The following KANSL1 variants were observed in gnomAD, a reference collection of about 807,000 sequenced individuals.
The protein encoded by KANSL1 is MLL1/MLL complex subunit KANSL1.
In KANSL1, 22 loss-of-function variants were observed where a neutral mutation model predicts 103.6. The ratio of observed to expected loss-of-function variants is 0.21; its 90% CI spans 0.15 to 0.30. The LOEUF (loss-of-function observed/expected upper bound fraction) is 0.30, where lower values mean the gene tolerates loss of function less well. KANSL1 is among the 10% of genes least tolerant of loss of function. KANSL1 has a pLI of 1.00. For synonymous variants in KANSL1, 600 were observed against 527.6 expected (o/e 1.14, Z -1.88); for missense variants, 1,337 against 1,399.8 (o/e 0.96, Z 0.72).
intron 2 of KANSL1, among the ~76,000 whole-genome samples, chr17:46,096,461 C>T (rs1184122297): frequency 1.3e-5 from 2 of 151,820 alleles, no homozygotes; most frequent in Non-Finnish European, 2.9e-5. Context: ...GCTGGGATTA[C>T]AGGCATGCGC....
intron 4 of KANSL1, among the ~76,000 whole-genome samples, chr17:46,081,595 GCCTCA>G (rs1436241954): frequency 6.6e-6 from 1 of 152,146 alleles, no homozygotes; most frequent in African/African-American, 2.4e-5. Flanking sequence ...TCCAATATCT[GCCTCA>G]GAGAAAATTT....
At chr17:46,177,399 G>A (rs1448703293) in intron 1 of KANSL1, among the ~76,000 whole-genome samples, 3 of 152,162 alleles carry the variant, frequency 2.0e-5, no homozygotes, top group African/African-American at 7.2e-5. Flanking sequence ...TCCCTGTTAT[G>A]TCTAGACTTA....
intron 2 of KANSL1, among the ~76,000 whole-genome samples, chr17:46,135,678 T>A (rs1194332588): frequency 6.8e-6 from 1 of 147,224 alleles, no homozygotes; most frequent in East Asian, 2.0e-4. Flanking sequence ...ACTACAGGCA[T>A]GCCCCACCAT....
intron 2 of KANSL1, among the ~76,000 whole-genome samples, chr17:46,131,402 T>C (rs780392208): frequency 2.0e-5 from 3 of 152,216 alleles, no homozygotes; most frequent in Non-Finnish European, 4.4e-5. Context: ...TGATTAAGCA[T>C]TTCCCTCAAT....
At chr17:46,093,797 A>C (rs1319604321) in intron 3 of KANSL1, 1 of 152,218 alleles carries the variant, frequency 6.6e-6, no homozygotes, top group Non-Finnish European at 1.5e-5. Context: ...CAGCCACACC[A>C]AGCTAATATA....
intron 6 of KANSL1, among the ~76,000 whole-genome samples, chr17:46,059,684 A>G (rs1392330164): frequency 6.7e-6 from 1 of 150,182 alleles, no homozygotes; most frequent in Non-Finnish European, 1.5e-5. Flanking sequence ...ACTGATCAAC[A>G]CATGTTCTCA....
rs562417520 is a variant in KANSL1 at position 46,062,717 on chromosome 17, T to C, written c.1848+3820A>G. Among the ~76,000 whole-genome samples the C allele has an allele frequency of 2.2e-4, 33 of 152,060 alleles. No homozygotes were observed. In the Middle Eastern group the frequency reaches 0.014, roughly 63 times the overall value. On this transcript the variant is annotated intron_variant, in intron 6 of 14. Coordinates refer to ENST00000432791, the MANE Select transcript of KANSL1 (RefSeq NM_015443.4). The stretch of plus-strand genomic sequence containing the variant: ...ACGTGCATCTCAATTTTAAGATATA[T>C]TCCAGCCATAATTCAACTAAGCTGA...
intron 10 of KANSL1, chr17:46,034,536 G>C (rs1163999440): frequency 2.2e-5 from 9 of 406,636 alleles, no homozygotes; most frequent in Non-Finnish European, 3.6e-5. Flanking sequence ...CTTCCTTCAA[G>C]GGCTCATGCG....
rs140913949 is a variant in KANSL1 at position 46,135,658 on chromosome 17, A to G, written c.1289+35197T>C. On this transcript the variant is annotated intron_variant, in intron 2 of 14. Transcript: ENST00000432791. ...TTTACTGGCTCAAGCGAGCCTCCCA[A>G]GTAGCTGGGACTACAGGCATGCCCC... is the stretch of plus-strand genomic sequence containing the variant. Among the ~76,000 whole-genome samples the G allele has an allele frequency of 8.1e-3, 1,211 of 149,062 alleles. 13 individuals carry two copies. Among genetic ancestry groups the G allele is most frequent in the African/African-American group, 0.029 (1,163 of 40,142 alleles).
intron 2 of KANSL1, among the ~76,000 whole-genome samples, chr17:46,113,513 G>A (rs946964884): frequency 1.3e-5 from 2 of 152,178 alleles, no homozygotes; most frequent in Non-Finnish European, 2.9e-5. Context: ...AAGCCTTTGT[G>A]TCTCTCAAAT....
chr17:46,197,400 T>C (rs55703644), upstream of KANSL1, among the ~76,000 whole-genome samples: 21,948 of 152,218 alleles, frequency 0.14, 2,136 homozygotes, highest in Non-Finnish European at 0.22. Flanking sequence ...CCCAGCACTC[T>C]GGAAGGCCAA....
intron 1 of KANSL1, among the ~76,000 whole-genome samples, chr17:46,213,994 T>C (rs973469817): frequency 1.3e-5 from 2 of 152,092 alleles, no homozygotes; most frequent in African/African-American, 4.8e-5. Flanking sequence ...ATATACTACC[T>C]GGCACATATA....
intron 1 of KANSL1, among the ~76,000 whole-genome samples, chr17:46,206,289 T>C (rs561277772): frequency 3.9e-5 from 6 of 152,310 alleles, no homozygotes; most frequent in African/African-American, 1.4e-4. Flanking sequence ...TTCAAAGCTA[T>C]GGAAATCAAG....
intron 2 of KANSL1, among the ~76,000 whole-genome samples, chr17:46,122,231 C>CA (rs1453115888): frequency 6.6e-6 from 1 of 152,194 alleles, no homozygotes; most frequent in South Asian, 2.1e-4. Flanking sequence ...TTAAAGGCTT[C>CA]AAGCCCCTCT....
In KANSL1 at chr17:46,029,944, A is replaced by G. The variant is rs142803832; in HGVS notation, c.*1532T>C. ...TGTAACTTTTTTTTTTATTTTTTTC[A>G]ATTTTTCCTTCTTTTTTTTTTTTAA... On this transcript the variant is annotated 3_prime_UTR_variant, in exon 15 of 15. Coordinates refer to ENST00000432791, the MANE Select transcript of KANSL1 (RefSeq NM_015443.4). 1 of 149,998 alleles carries G rather than the reference A, an allele frequency of 6.7e-6. No homozygotes were observed. The allele number at this position is 149,998 out of a possible 1,614,324, so 9.3% of individuals were successfully genotyped here. A position where few individuals can be genotyped will look rare whatever the true frequency, so the allele number is the denominator to read the frequency against.
At chr17:46,199,560 C>A (rs1402158755) in intron 1 of KANSL1, among the ~76,000 whole-genome samples, 1 of 152,338 alleles carries the variant, frequency 6.6e-6, no homozygotes, top group South Asian at 2.1e-4. Flanking sequence ...CAAAGTATTA[C>A]AAGAATGCAT....
chr17:46,031,855 C>G, intron 14 of KANSL1, 152 bp from the exon 15 acceptor site: 1 of 1,038,170 alleles, frequency 9.6e-7, no homozygotes. Context: ...TAGGGTATAC[C>G]CAGACAACTG....
intron 2 of KANSL1, among the ~76,000 whole-genome samples, chr17:46,124,711 T>C (rs745720688): frequency 3.9e-5 from 6 of 152,138 alleles, no homozygotes; most frequent in Admixed American, 6.5e-5. Context: ...TTGGAAGAAG[T>C]TGACTCCGAC....
chr17:46,190,785 T>C (rs2047277712), intron 1 of KANSL1, among the ~76,000 whole-genome samples: 1 of 152,274 alleles, frequency 6.6e-6, no homozygotes, highest in Admixed American at 6.5e-5. Context: ...CACACTTTGT[T>C]GCATAAACCT....
Sources: gnomAD v4.1 joint callset for allele counts (sites outside exome capture counted in the v4.1 genomes callset) on GRCh38, gnomAD v4.1.1 for gene constraint, MANE v1.5 for transcripts, NCBI Gene and HGNC (gene_info 2026-07-23, HGNC 2026-07-21) for gene names.